Variants in TPCN1 observed in about 807,000 individuals in gnomAD.
The protein encoded by TPCN1 is two pore segment channel 1.
Under a neutral mutation model 108.8 loss-of-function variants are expected in TPCN1, and 52 were observed. The observed-to-expected ratio is 0.48, with a 90% CI of 0.38 to 0.60. The LOEUF is 0.60. TPCN1 is among the 20% of genes least tolerant of loss of function. The pLI is 0.00. For missense variants in TPCN1, 806 were observed against 1,072.8 expected (o/e 0.75, Z 3.47); for synonymous variants, 446 against 433.7 (o/e 1.03, Z -0.35).
intron 21 of TPCN1, 25 bp from the exon 22 acceptor site, chr12:113,290,103 C>T (rs1324666131): frequency 5.4e-6 from 8 of 1,485,774 alleles, no homozygotes; most frequent in Non-Finnish European, 7.4e-6. Flanking sequence ...GACCCTCCCT[C>T]CTTTCTCCCT....
intron 10 of TPCN1, among the ~76,000 whole-genome samples, chr12:113,274,618 T>C (rs1486131813): frequency 6.6e-6 from 1 of 152,212 alleles, no homozygotes; most frequent in African/African-American, 2.4e-5. Context: ...AAGTATATTA[T>C]AATAACCATA....
At position 113,225,696 on chromosome 12, in the gene TPCN1, C is replaced by T. The variant is rs1053640217; in HGVS notation, c.-125-1032C>T. On this transcript the variant is annotated intron_variant, in intron 1 of 27. Transcript: ENST00000335509. ...CAGCTTCTTGAGTAGCTGGGATTAC[C>T]GGCACGTGCCACCCCGCCCAGCTAA... Among the ~76,000 whole-genome samples the T allele has an allele frequency of 3.3e-5, 5 of 151,862 alleles. No homozygotes were observed. In the South Asian group the frequency reaches 6.3e-4, roughly 19 times the overall value.
intron 25 of TPCN1, 66 bp from the exon 26 acceptor site, chr12:113,292,868 C>G (rs1034751781): frequency 1.3e-6 from 2 of 1,563,780 alleles, no homozygotes; most frequent in African/African-American, 2.7e-5. Context: ...CAAGGAGGTA[C>G]GAGACCCAGC....
intron 2 of TPCN1, among the ~76,000 whole-genome samples, chr12:113,236,302 G>C (rs1405953309): frequency 6.6e-6 from 1 of 152,162 alleles, no homozygotes; most frequent in African/African-American, 2.4e-5. Context: ...TGGCATCTGA[G>C]TCTCCCACCC....
rs114165597 is a variant in TPCN1, at chr12:113,288,211, C to T, written c.1683C>T (p.Phe561=). Residue 561 remains phenylalanine, a synonymous_variant, in exon 20 of 28, where the codon TTC becomes TTT. Transcript: ENST00000335509. The surrounding 1 kb of genome is among the most constrained non-coding windows in gnomAD (Gnocchi z 4.8). ...ACCGCAACGTGCTGGACACCATGTTCGAGCTGCTGCCCCGGATGGCCAGGT... is the reference window on the plus strand; with the variant it reads ...ACCGCAACGTGCTGGACACCATGTTTGAGCTGCTGCCCCGGATGGCCAGGT... ...ERYRNVLDTM[F]ELLPRMASLG... is the part of the protein sequence containing the mutation. The T allele has an allele frequency of 1.1e-4, 172 of 1,613,934 alleles. No individual in the cohort carries two copies. In the African/African-American group the frequency reaches 1.8e-3, roughly 17 times the overall value.
chr12:113,268,699 T>C lies in TPCN1; in HGVS notation c.529-43T>C. ...CGTTCCAGGTATGCAGGATGACGGC[T>C]GGGCTGCAGGGGCTGACGGTGCTCC... On this transcript the variant is annotated intron_variant, in intron 5 of 27. Coordinates refer to ENST00000335509, the MANE Select transcript of TPCN1 (RefSeq NM_017901.6). The surrounding 1 kb of genome is among the most constrained non-coding windows in gnomAD (Gnocchi z 7.3). 6.2e-7 allele frequency: 1 copy of C among 1,608,474 alleles called. No homozygotes were observed.
At position 113,232,700 on chromosome 12, in the gene TPCN1, T is replaced by G. The variant is rs1953732485; in HGVS notation, c.112+5736T>G. On this transcript the variant is annotated intron_variant, in intron 2 of 27. Transcript: ENST00000335509. The surrounding 1 kb of genome is among the most constrained non-coding windows in gnomAD (Gnocchi z 5.6). ...ATGTGACCATGATGGCATCTACCAGTAGAGTCGTCATGGGGGATTGAGTGA... is the reference window on the plus strand; with the variant it reads ...ATGTGACCATGATGGCATCTACCAGGAGAGTCGTCATGGGGGATTGAGTGA... Among the ~76,000 whole-genome samples the G allele has an allele frequency of 6.6e-6, 1 of 152,220 alleles. No homozygotes were observed. Among genetic ancestry groups the G allele is most frequent in the South Asian group, 2.1e-4 (1 of 4,834 alleles).
rs1244193979 is a variant in TPCN1, at chr12:113,295,455, A to AG, written c.2335-505_2335-504insG. Among the ~76,000 whole-genome samples, 1,148 of 151,890 alleles carry AG rather than the reference A, an allele frequency of 7.6e-3. 12 individuals are homozygous for AG. The highest frequency in any genetic ancestry group is 0.031 in the Middle Eastern group (9 of 292). On this transcript the variant is annotated intron_variant, in intron 27 of 27. Coordinates refer to ENST00000335509, the MANE Select transcript of TPCN1 (RefSeq NM_017901.6). ...AATCTCTGTCTCCTAAAAAAAAAAA[A>AG]AAAAAAAAGGAAATGTGGGGTATAC...
At chr12:113,295,875 A>G in intron 27 of TPCN1, 85 bp from the exon 28 acceptor site, 1 of 1,350,408 alleles carries the variant, frequency 7.4e-7, no homozygotes, top group Non-Finnish European at 1.0e-6. Flanking sequence ...TCCAGCCTGG[A>G]TGCTGTGGGC....
intron 3 of TPCN1, among the ~76,000 whole-genome samples, chr12:113,265,573 G>T (rs1354159588): frequency 6.7e-6 from 1 of 149,158 alleles, no homozygotes; most frequent in East Asian, 2.0e-4. Context: ...TTGAGACCAG[G>T]TCTTGCTCTG....
At chr12:113,242,235 A>G (rs1555262521) in intron 2 of TPCN1, among the ~76,000 whole-genome samples, 1 of 152,246 alleles carries the variant, frequency 6.6e-6, no homozygotes, top group Non-Finnish European at 1.5e-5. Flanking sequence ...CAGATGGGTT[A>G]GGGAGTTAGC....
At chr12:113,244,101 C>CA (rs1307133849) in intron 2 of TPCN1, among the ~76,000 whole-genome samples, 5 of 152,258 alleles carry the variant, frequency 3.3e-5, no homozygotes, top group Non-Finnish European at 7.3e-5. Flanking sequence ...TCATGGATGA[C>CA]AGTGAACCTC....
rs182966198 is a variant in TPCN1 at position 113,289,186 on chromosome 12, C to T, written c.1796+339C>T. Among the ~76,000 whole-genome samples the T allele has an allele frequency of 5.5e-3, 842 of 152,300 alleles. 8 individuals carry two copies. Among genetic ancestry groups the T allele is most frequent in the African/African-American group, 0.019 (780 of 41,566 alleles). ...GAGTGGCTGGGGACCTGGGCCAAGA[C>T]CAGTCTTCTAGGGACAGCATCGTAG... On this transcript the variant is annotated intron_variant, in intron 21 of 27. Transcript: ENST00000335509. This position sits in a 1 kb window ranked among gnomAD's most constrained non-coding sequence, Gnocchi z 4.1.
chr12:113,231,975 A>G lies in TPCN1; in HGVS notation c.112+5011A>G, dbSNP rs944235800. 5.9e-5 allele frequency among the ~76,000 whole-genome samples: 9 copies of G among 152,210 alleles called. No individual in the cohort carries two copies. Among genetic ancestry groups the G allele is most frequent in the African/African-American group, 1.9e-4 (8 of 41,458 alleles). On this transcript the variant is annotated intron_variant, in intron 2 of 27. Transcript: ENST00000335509. The surrounding 1 kb of genome is among the most constrained non-coding windows in gnomAD (Gnocchi z 4.3). ...GAGTCTGAATGTAGTGGGCAGTCCA[A>G]GGAATTTCCCAGGGTAACTCTGGTC...
intron 2 of TPCN1, chr12:113,249,364 T>A (rs1320901469): frequency 1.3e-5 from 2 of 152,216 alleles, no homozygotes; most frequent in Non-Finnish European, 2.9e-5. Context: ...CCCCTACATT[T>A]CTCTAGTGAG....
rs1319343566 is a variant in TPCN1, at chr12:113,285,903, C to T, written c.1468C>T (p.Leu490=). The change falls in exon 18 of 28, where the codon CTG becomes TTG. Residue 490 remains leucine, a synonymous_variant. Transcript: ENST00000335509. The stretch of plus-strand genomic sequence containing the variant: ...TCTGTCCACAGTCTATGGGGTGGAG[C>T]TGTTCCTGAAGGTTGCCGGCCTGGG... ...LVFLTIYGVE[L]FLKVAGLGPV... is the part of the protein sequence containing the mutation. 1 of 1,614,148 alleles carries T rather than the reference C, an allele frequency of 6.2e-7. No individual in the cohort carries two copies. Among genetic ancestry groups the T allele is most frequent in the Admixed American group, 1.7e-5 (1 of 60,026 alleles).
At chr12:113,294,749 G>C (rs190120164) in intron 27 of TPCN1, among the ~76,000 whole-genome samples, 6 of 152,140 alleles carry the variant, frequency 3.9e-5, no homozygotes, top group African/African-American at 1.4e-4. Context: ...ATTTGGCACG[G>C]TGCCTTCCAG....
At chr12:113,238,733 G>A (rs567006695) in intron 2 of TPCN1, among the ~76,000 whole-genome samples, 3 of 152,154 alleles carry the variant, frequency 2.0e-5, no homozygotes, top group South Asian at 2.1e-4. Context: ...AGACCCACTC[G>A]CTCCCCAGCA....
intron 2 of TPCN1, among the ~76,000 whole-genome samples, chr12:113,234,868 A>G (rs1348524851): frequency 2.0e-5 from 3 of 152,190 alleles, no homozygotes; most frequent in Non-Finnish European, 4.4e-5. Context: ...TTTTTAATCA[A>G]AAGTCTTTTG....
Sources: allele counts gnomAD v4.1 joint callset (sites outside exome capture counted in the v4.1 genomes callset), GRCh38; gene constraint gnomAD v4.1.1; non-coding constraint Gnocchi (gnomAD v3.1); transcripts MANE v1.5; gene names NCBI Gene and HGNC (gene_info 2026-07-23, HGNC 2026-07-21).